HECW2: variants seen among roughly 807,000 people sequenced by gnomAD.
HECW2 encodes E3 ubiquitin-protein ligase HECW2.
HECW2 carries 61 observed loss-of-function variants against 175.2 expected under a neutral mutation model. The ratio of observed to expected loss-of-function variants is 0.35; its 90% CI spans 0.28 to 0.43. The LOEUF is 0.43. HECW2 is among the 20% of genes least tolerant of loss of function. The pLI is 1.00. For synonymous variants in HECW2, 671 were observed against 731.0 expected, an observed-to-expected ratio of 0.92 and a Z score of 1.32; for missense variants, 1,524 against 2,000.5, an observed-to-expected ratio of 0.76 and a Z score of 4.54.
chr2:196,320,589 A>G (rs560375492), intron 7 of HECW2, 150 bp from the exon 8 acceptor site: 7 of 519,324 alleles, frequency 1.3e-5, no homozygotes, highest in African/African-American at 5.6e-5. Flanking sequence ...TTATAGTCCA[A>G]TGTAATATTA....
chr2:196,444,523 C>T (rs1696128702), intron 1 of HECW2, among the ~76,000 whole-genome samples: 1 of 152,174 alleles, frequency 6.6e-6, no homozygotes, highest in Admixed American at 6.5e-5. Context: ...AAGCCAAGTT[C>T]ACATCATTTC....
chr2:196,243,225 T>C (rs998969086), intron 19 of HECW2, among the ~76,000 whole-genome samples: 3 of 148,980 alleles, frequency 2.0e-5, no homozygotes, highest in African/African-American at 7.4e-5. Flanking sequence ...TGGAGTGCAA[T>C]GGCACAATCT....
rs114352454 is a variant in HECW2, at chr2:196,362,538, G to A, written c.293-18774C>T. Among the ~76,000 whole-genome samples the A allele has an allele frequency of 1.1e-3, 169 of 152,276 alleles. 1 individual carries two copies. Among genetic ancestry groups the A allele is most frequent in the African/African-American group, 3.8e-3 (160 of 41,564 alleles). On this transcript the variant is annotated intron_variant, in intron 2 of 28. Transcript: ENST00000644978. ...TTTAGGTTACTGAAATGGGCTTACA[G>A]TATTTTAACTAATCCAGAGAGAAAT... is the stretch of plus-strand genomic sequence containing the variant.
At chr2:196,281,483 C>A (rs773466293) in intron 14 of HECW2, among the ~76,000 whole-genome samples, 12 of 151,330 alleles carry the variant, frequency 7.9e-5, no homozygotes, top group Non-Finnish European at 1.5e-4. Context: ...ACAAAATATT[C>A]AAAAATTATC....
intron 1 of HECW2, among the ~76,000 whole-genome samples, chr2:196,534,290 A>T (rs1459345575): frequency 6.6e-6 from 1 of 152,134 alleles, no homozygotes; most frequent in Non-Finnish European, 1.5e-5. Flanking sequence ...AGGAAAAAAA[A>T]AAAAATCTTT....
intron 2 of HECW2, among the ~76,000 whole-genome samples, chr2:196,393,192 C>T (rs1425982162): frequency 1.3e-5 from 2 of 152,134 alleles, no homozygotes; most frequent in Non-Finnish European, 2.9e-5. Flanking sequence ...GCCATAAAAT[C>T]CCTAGAAGAA....
intron 13 of HECW2, among the ~76,000 whole-genome samples, chr2:196,296,329 C>T (rs1460584986): frequency 6.6e-6 from 1 of 152,148 alleles, no homozygotes; most frequent in Non-Finnish European, 1.5e-5. Flanking sequence ...AATAATAACT[C>T]CCTTGCTTTC....
At chr2:196,370,082 CAGA>C (rs1270223570) in intron 2 of HECW2, among the ~76,000 whole-genome samples, 2 of 151,846 alleles carry the variant, frequency 1.3e-5, no homozygotes, top group Non-Finnish European at 2.9e-5. Context: ...TTTTCTCAAG[CAGA>C]AGGAGTCCCT....
chr2:196,380,667 T>C (rs557554816), intron 2 of HECW2, among the ~76,000 whole-genome samples: 2 of 152,278 alleles, frequency 1.3e-5, no homozygotes, highest in East Asian at 1.9e-4. Flanking sequence ...GTAGTGACAA[T>C]TCTCTAACAG....
At chr2:196,472,207 G>T (rs1428308565) in intron 1 of HECW2, among the ~76,000 whole-genome samples, 1 of 152,016 alleles carries the variant, frequency 6.6e-6, no homozygotes, top group Non-Finnish European at 1.5e-5. Context: ...AAACAGGCTG[G>T]GTGTGGTGGC....
chr2:196,586,642 C>T (rs1164284409), intron 1 of HECW2: 3 of 151,508 alleles, frequency 2.0e-5, no homozygotes, highest in African/African-American at 7.3e-5. Context: ...AGTACAACTC[C>T]TTTTCTTCAT....
chr2:196,390,924 A>G (rs1290043163), intron 2 of HECW2, among the ~76,000 whole-genome samples: 2 of 152,126 alleles, frequency 1.3e-5, no homozygotes, highest in Non-Finnish European at 2.9e-5. Flanking sequence ...CAATTTCCTT[A>G]TTAATCTGCT....
chr2:196,485,317 A>G (rs567320234), intron 1 of HECW2, among the ~76,000 whole-genome samples: 1 of 152,364 alleles, frequency 6.6e-6, no homozygotes, highest in African/African-American at 2.4e-5. Context: ...GGTCAAAGAC[A>G]AAACATGGTA....
At chr2:196,568,385 A>G (rs2125509628) in intron 1 of HECW2, among the ~76,000 whole-genome samples, 1 of 152,352 alleles carries the variant, frequency 6.6e-6, no homozygotes, top group Non-Finnish European at 1.5e-5. Context: ...CTGAAGTGTG[A>G]GTAAAATACA....
chr2:196,452,794 T>TAAA (rs201131840), intron 1 of HECW2, among the ~76,000 whole-genome samples: 4 of 105,688 alleles, frequency 3.8e-5, no homozygotes, highest in African/African-American at 1.4e-4. Flanking sequence ...CCCAAAGCAC[T>TAAA]AAAAAAAAAA....
At chr2:196,445,023 C>T (rs955856154) in intron 1 of HECW2, among the ~76,000 whole-genome samples, 1 of 152,168 alleles carries the variant, frequency 6.6e-6, no homozygotes, top group Non-Finnish European at 1.5e-5. Flanking sequence ...ATCTTCAAGA[C>T]CTAAAGAACA....
Position 196,320,435 on chromosome 2 carries a change from G to T in HECW2, c.889C>A (p.Gln297Lys). 2 of 1,606,706 alleles carry T rather than the reference G, an allele frequency of 1.2e-6. No individual in the cohort carries two copies. Among genetic ancestry groups the T allele is most frequent in the South Asian group, 2.2e-5 (2 of 90,626 alleles). Residue 297 changes from glutamine to lysine, a missense_variant, in exon 8 of 29, where the codon CAA becomes AAA. This residue lies in a region of HECW2 where 95 missense variants were observed against 136.8 expected (regional missense o/e 0.69). Coordinates refer to ENST00000644978, the MANE Select transcript of HECW2 (RefSeq NM_001348768.2). The part of the protein sequence containing the change: ...RLLERQAIGD[Q>K]MLSYNLGRRL... Reference sequence around the variant, plus strand: ...CTGCCAAGGTTGTAGCTGAGCATTTGATCACTGCAAGAAGAGAAATGCTTC... The same window carrying T: ...CTGCCAAGGTTGTAGCTGAGCATTTTATCACTGCAAGAAGAGAAATGCTTC...
intron 6 of HECW2, among the ~76,000 whole-genome samples, 192 bp from the exon 7 acceptor site, chr2:196,322,812 C>G (rs1691997780): frequency 6.6e-6 from 1 of 152,194 alleles, no homozygotes; most frequent in Non-Finnish European, 1.5e-5. Flanking sequence ...GATTAAAAAG[C>G]AGCAGTCAAG....
At chr2:196,523,981 C>T (rs961380580) in intron 1 of HECW2, among the ~76,000 whole-genome samples, 35 of 151,914 alleles carry the variant, frequency 2.3e-4, no homozygotes, top group Non-Finnish European at 4.7e-4. Flanking sequence ...CAGAATGATG[C>T]TGGCCTCATA....
Sources: allele counts gnomAD v4.1 joint callset (sites outside exome capture counted in the v4.1 genomes callset), GRCh38; gene constraint gnomAD v4.1.1; regional missense constraint gnomAD v4.1.1; transcripts MANE v1.5; gene names NCBI Gene and HGNC (gene_info 2026-07-23, HGNC 2026-07-21).